Variants in SOX5 observed in about 807,000 individuals in gnomAD.
The protein encoded by SOX5 is SRY-box transcription factor 5, also known as transcription factor SOX-5.
SOX5 carries 9 observed loss-of-function variants against 92.0 expected under a neutral mutation model. That is an observed-to-expected ratio of 0.10 (90% confidence interval 0.06 to 0.17). The LOEUF (loss-of-function observed/expected upper bound fraction) is 0.17, where lower values mean the gene tolerates loss of function less well. Among genes scored for constraint, SOX5 ranks in the 10% least tolerant of loss-of-function variants. SOX5 has a pLI of 1.00. For missense variants in SOX5, 642 were observed against 944.5 expected, an observed-to-expected ratio of 0.68 and a Z score of 4.20; for synonymous variants, 344 against 336.3, an observed-to-expected ratio of 1.02 and a Z score of -0.25.
At chr12:23,882,222 C>T (rs1308603145) in intron 2 of SOX5, among the ~76,000 whole-genome samples, 5 of 151,996 alleles carry the variant, frequency 3.3e-5, no homozygotes, top group Non-Finnish European at 7.4e-5. Context: ...GCCCCTCTTG[C>T]TGGTAACATA....
chr12:24,108,900 A>G (rs1049628998), intron 4 of SOX5, among the ~76,000 whole-genome samples: 4 of 152,128 alleles, frequency 2.6e-5, no homozygotes, highest in Admixed American at 2.6e-4. Context: ...TTCTACTGAT[A>G]TTGGGTTCAT....
chr12:24,357,660 C>T (rs73289733), intron 2 of SOX5, among the ~76,000 whole-genome samples: 2,818 of 152,018 alleles, frequency 0.019, 37 homozygotes, highest in South Asian at 0.041. Flanking sequence ...CTGGGCAACA[C>T]GGTGAAACTC....
intron 8 of SOX5, among the ~76,000 whole-genome samples, chr12:23,620,201 C>T (rs928123446): frequency 6.6e-6 from 1 of 151,970 alleles, no homozygotes; most frequent in Non-Finnish European, 1.5e-5. Flanking sequence ...TGGGAGGAAA[C>T]ATGACAAGTT....
At chr12:24,556,579 C>T (rs117222359) in intron 1 of SOX5, among the ~76,000 whole-genome samples, 2 of 152,296 alleles carry the variant, frequency 1.3e-5, no homozygotes, top group Non-Finnish European at 2.9e-5. Flanking sequence ...AGGTGAATGA[C>T]TATCAAACGA....
At position 23,689,624 on chromosome 12, in the gene SOX5, G is replaced by A. The variant is rs189913046; in HGVS notation, c.811-24060C>T. ...CATTCTCTATCATGTCATTCCAGTT[G>A]TAAGTCTTTTTCCTATCTCCCAAAA... On this transcript the variant is annotated intron_variant, in intron 6 of 14. Coordinates refer to ENST00000451604, the MANE Select transcript of SOX5 (RefSeq NM_006940.6). Among the ~76,000 whole-genome samples the A allele has an allele frequency of 7.9e-5, 12 of 152,190 alleles. No individual in the cohort carries two copies. The East Asian group carries it at 2.3e-3, about 29-fold the overall frequency.
chr12:24,535,442 G>A (rs1016655215), intron 1 of SOX5, among the ~76,000 whole-genome samples: 8 of 152,208 alleles, frequency 5.3e-5, no homozygotes, highest in African/African-American at 1.9e-4. Context: ...AATAGAGGAT[G>A]TCTTAGTATG....
intron 3 of SOX5, among the ~76,000 whole-genome samples, chr12:23,835,410 T>C (rs1164414450): frequency 6.6e-6 from 1 of 151,876 alleles, no homozygotes; most frequent in Admixed American, 6.6e-5. Context: ...GTCTCTCTCT[T>C]TCTACAGTGA....
chr12:24,152,138 C>A (rs1951718651), intron 4 of SOX5, among the ~76,000 whole-genome samples: 1 of 152,078 alleles, frequency 6.6e-6, no homozygotes, highest in Non-Finnish European at 1.5e-5. Context: ...TTATGAAATT[C>A]TTTAGGCTTT....
Position 23,689,659 on chromosome 12 carries a change from A to T in SOX5, c.811-24095T>A, listed in dbSNP as rs149319045. On this transcript the variant is annotated intron_variant, in intron 6 of 14. Transcript: ENST00000451604. The stretch of plus-strand genomic sequence containing the variant: ...TTCCTATCTCCCAAAAATACATGCC[A>T]TATACATCACCTCATCTGCTGTTTG... 3.3e-3 allele frequency among the ~76,000 whole-genome samples: 508 copies of T among 152,290 alleles called. 2 individuals carry two copies. The highest frequency in any genetic ancestry group is 0.011 in the African/African-American group (475 of 41,562).
At chr12:23,982,440 G>A (rs556113258) in intron 4 of SOX5, among the ~76,000 whole-genome samples, 50 of 152,120 alleles carry the variant, frequency 3.3e-4, no homozygotes, top group Non-Finnish European at 6.5e-4. Flanking sequence ...ATCTCCATTC[G>A]GAGAATGTAT....
At chr12:24,374,557 AAGAC>A (rs1284969977) in intron 1 of SOX5, among the ~76,000 whole-genome samples, 2 of 151,930 alleles carry the variant, frequency 1.3e-5, no homozygotes, top group African/African-American at 4.8e-5. Flanking sequence ...AAAACAGAGG[AAGAC>A]TGAGGAAGCC....
chr12:24,285,345 T>C (rs1423719444), intron 2 of SOX5, among the ~76,000 whole-genome samples: 1 of 152,194 alleles, frequency 6.6e-6, no homozygotes, highest in Non-Finnish European at 1.5e-5. Flanking sequence ...AGTATGCTGG[T>C]CCAATATTTG....
At chr12:24,522,152 C>T (rs893050282) in intron 1 of SOX5, among the ~76,000 whole-genome samples, 8 of 150,154 alleles carry the variant, frequency 5.3e-5, no homozygotes, top group African/African-American at 2.0e-4. Flanking sequence ...CAATTAAATG[C>T]CAACAAAGTG....
At chr12:23,973,125 A>G (rs986087737) in intron 4 of SOX5, among the ~76,000 whole-genome samples, 3 of 147,596 alleles carry the variant, frequency 2.0e-5, no homozygotes, top group Non-Finnish European at 4.5e-5. Flanking sequence ...AGGTCCATTC[A>G]TTTCATCACA....
At chr12:23,958,767 A>G (rs898516302) in intron 4 of SOX5, among the ~76,000 whole-genome samples, 3 of 151,720 alleles carry the variant, frequency 2.0e-5, no homozygotes, top group Admixed American at 6.6e-5. Flanking sequence ...ACCAACTTCT[A>G]AACTTTGAGA....
chr12:23,843,107 C>G (rs934705651), intron 3 of SOX5, among the ~76,000 whole-genome samples: 1 of 152,116 alleles, frequency 6.6e-6, no homozygotes, highest in Non-Finnish European at 1.5e-5. Context: ...AAACATTAGA[C>G]AAATTCCAAT....
intron 2 of SOX5, among the ~76,000 whole-genome samples, chr12:23,871,109 G>A (rs2096868190): frequency 1.3e-5 from 2 of 152,022 alleles, no homozygotes; most frequent in Admixed American, 6.6e-5. Flanking sequence ...AGCAATAACT[G>A]TGAGAAAAAT....
chr12:23,996,678 G>A (rs1045451486), intron 4 of SOX5, among the ~76,000 whole-genome samples: 1 of 152,164 alleles, frequency 6.6e-6, no homozygotes, highest in Non-Finnish European at 1.5e-5. Context: ...AGCCTCCAAA[G>A]CACTATGCTA....
chr12:24,420,018 T>G (rs1965676224), intron 1 of SOX5, among the ~76,000 whole-genome samples: 1 of 152,228 alleles, frequency 6.6e-6, no homozygotes, highest in Non-Finnish European at 1.5e-5. Flanking sequence ...ATGTATACAT[T>G]ATGGTTGATA....
Sources: gnomAD v4.1 joint callset for allele counts (sites outside exome capture counted in the v4.1 genomes callset) on GRCh38, gnomAD v4.1.1 for gene constraint, MANE v1.5 for transcripts, NCBI Gene and HGNC (gene_info 2026-07-23, HGNC 2026-07-21) for gene names.